Variants in COBL observed in about 807,000 individuals in gnomAD.
The protein encoded by COBL is protein cordon-bleu.
Under a neutral mutation model 98.8 loss-of-function variants are expected in COBL, and 51 were observed. The ratio of observed to expected loss-of-function variants is 0.52; its 90% CI spans 0.41 to 0.65. The LOEUF (loss-of-function observed/expected upper bound fraction) is 0.65, where lower values mean the gene tolerates loss of function less well. Among genes scored for constraint, COBL ranks in the 30% least tolerant of loss-of-function variants. The pLI, the probability that COBL is intolerant of heterozygous loss-of-function variation, is 0.00. For missense variants in COBL, 1,617 were observed against 1,617.5 expected (o/e 1.00, Z 0.01); for synonymous variants, 634 against 651.7 (o/e 0.97, Z 0.41).
intron 7 of COBL, among the ~76,000 whole-genome samples, chr7:51,046,263 G>C (rs994939168): frequency 6.6e-6 from 1 of 152,174 alleles, no homozygotes; most frequent in Admixed American, 6.5e-5. Flanking sequence ...TATAGGGTGG[G>C]GCAGGGTGTG....
At chr7:51,018,265 G>T in intron 12 of COBL, 1 of 150,504 alleles carries the variant, frequency 6.6e-6, no homozygotes. Flanking sequence ...GGTGGTGGTG[G>T]TGGTGATGGT....
rs1787703667 is a variant in COBL, at chr7:51,027,651, G to A, written c.3384+61C>T. The A allele has an allele frequency of 6.6e-6, 9 of 1,361,684 alleles. No individual in the cohort carries two copies. The South Asian group carries it at 1.2e-4, about 18-fold the overall frequency. The allele number at this position is 1,361,684 out of a possible 1,614,324, so 84.4% of individuals were successfully genotyped here. ...CTCCTCCGCTTTATTCTGAGACTCT[G>A]AGACCAGTGCACTGAAGTGGGCAGG... On this transcript the variant is annotated intron_variant, in intron 10 of 12. Transcript: ENST00000265136.
At chr7:51,166,175 T>C (rs1054951946) in intron 5 of COBL, among the ~76,000 whole-genome samples, 33 of 151,998 alleles carry the variant, frequency 2.2e-4, no homozygotes, top group Admixed American at 6.5e-4. Flanking sequence ...AAACAAAACG[T>C]TGATTTTTTA....
chr7:51,225,034 G>A (rs1794049393), intron 1 of COBL, among the ~76,000 whole-genome samples: 3 of 152,256 alleles, frequency 2.0e-5, no homozygotes, highest in South Asian at 2.1e-4. Context: ...GCCTGTGCAC[G>A]TGGATGGCCT....
intron 7 of COBL, among the ~76,000 whole-genome samples, chr7:51,082,325 T>C (rs1449470373): frequency 6.6e-6 from 1 of 152,118 alleles, no homozygotes. Flanking sequence ...TGAGACATAC[T>C]GAAGCGGTCC....
intron 5 of COBL, among the ~76,000 whole-genome samples, chr7:51,139,715 G>A (rs1799558088): frequency 6.6e-6 from 1 of 152,172 alleles, no homozygotes; most frequent in African/African-American, 2.4e-5. Flanking sequence ...CCTACTTTTG[G>A]AATTTGTGCG....
intron 2 of COBL, among the ~76,000 whole-genome samples, chr7:51,202,451 A>C (rs1307798220): frequency 6.6e-6 from 1 of 152,176 alleles, no homozygotes; most frequent in Non-Finnish European, 1.5e-5. Context: ...ATTAAATTTT[A>C]TTATAGATGT....
chr7:51,181,824 T>TGCGC (rs1330745477), intron 5 of COBL, among the ~76,000 whole-genome samples: 1 of 151,840 alleles, frequency 6.6e-6, no homozygotes, highest in Middle Eastern at 3.2e-3. Flanking sequence ...GATCACTGAC[T>TGCGC]GCGCCTTCAC....
chr7:51,127,087 C>T (rs981665872), intron 6 of COBL, among the ~76,000 whole-genome samples: 3 of 152,138 alleles, frequency 2.0e-5, no homozygotes, highest in Non-Finnish European at 4.4e-5. Context: ...GCTGTGTGCT[C>T]AAGGCCGTGG....
chr7:51,230,704 T>A (rs1335653803), intron 1 of COBL, among the ~76,000 whole-genome samples: 1 of 152,236 alleles, frequency 6.6e-6, no homozygotes, highest in Non-Finnish European at 1.5e-5. Context: ...AACACGTTAG[T>A]GGTCCCTCTG....
At chr7:51,048,710 C>T (rs1401472922) in intron 7 of COBL, among the ~76,000 whole-genome samples, 1 of 152,030 alleles carries the variant, frequency 6.6e-6, no homozygotes, top group Non-Finnish European at 1.5e-5. Context: ...TTTCCCTCAC[C>T]ATAAGCAAGT....
intron 1 of COBL, among the ~76,000 whole-genome samples, chr7:51,288,990 G>T (rs1456532229): frequency 6.6e-6 from 1 of 152,028 alleles, no homozygotes; most frequent in Non-Finnish European, 1.5e-5. Flanking sequence ...AGGAGTGCAG[G>T]GCCAAAACGT....
At chr7:51,097,378 A>G (rs1368702220) in intron 6 of COBL, among the ~76,000 whole-genome samples, 1 of 152,200 alleles carries the variant, frequency 6.6e-6, no homozygotes, top group Non-Finnish European at 1.5e-5. Context: ...CTTTCTCTTT[A>G]AGACGAGGAA....
chr7:51,259,817 C>T (rs1193932828), intron 1 of COBL: 1 of 753,066 alleles, frequency 1.3e-6, no homozygotes, highest in Non-Finnish European at 2.4e-6. Flanking sequence ...TACAAAGATA[C>T]CACTAAAAAT....
intron 6 of COBL, among the ~76,000 whole-genome samples, chr7:51,132,653 G>A (rs552847856): frequency 2.6e-5 from 4 of 152,288 alleles, no homozygotes; most frequent in South Asian, 2.1e-4. Flanking sequence ...AAACACCTGA[G>A]ACTGGGTAAT....
At chr7:51,229,820 C>G (rs769905200) in intron 1 of COBL, among the ~76,000 whole-genome samples, 29 of 152,154 alleles carry the variant, frequency 1.9e-4, no homozygotes, top group Admixed American at 7.9e-4. Context: ...CCCAGGACTA[C>G]AAAGACACGG....
intron 6 of COBL, among the ~76,000 whole-genome samples, chr7:51,114,865 C>T (rs1490170676): frequency 6.6e-6 from 1 of 152,154 alleles, no homozygotes; most frequent in Non-Finnish European, 1.5e-5. Context: ...TTCTACATCC[C>T]AACACTAGCT....
chr7:51,047,432 A>G (rs1446113492), intron 7 of COBL, among the ~76,000 whole-genome samples: 1 of 152,228 alleles, frequency 6.6e-6, no homozygotes, highest in African/African-American at 2.4e-5. Flanking sequence ...TAGTTCCTCA[A>G]GTTGAACACA....
At chr7:51,238,477 T>C (rs1327870224) in intron 1 of COBL, among the ~76,000 whole-genome samples, 2 of 152,070 alleles carry the variant, frequency 1.3e-5, no homozygotes, top group Non-Finnish European at 1.5e-5. Context: ...CAACACCGGG[T>C]AGAGCAGTTG....
Sources: gnomAD v4.1 joint callset for allele counts (sites outside exome capture counted in the v4.1 genomes callset) on GRCh38, gnomAD v4.1.1 for gene constraint, MANE v1.5 for transcripts, NCBI Gene and HGNC (gene_info 2026-07-23, HGNC 2026-07-21) for gene names.